The following NEGR1 variants were observed in gnomAD, a reference collection of about 807,000 sequenced individuals.
NEGR1 encodes the protein IgLON family member 4.
NEGR1 carries 10 observed loss-of-function variants against 40.9 expected under a neutral mutation model. The observed-to-expected ratio is 0.24, with a 90% CI of 0.15 to 0.42. NEGR1 has a LOEUF of 0.42. Ranked by LOEUF, NEGR1 falls within the 10% of genes least tolerant of loss-of-function variation. The pLI, the probability that NEGR1 is intolerant of heterozygous loss-of-function variation, is 1.00. For missense variants in NEGR1, 352 were observed against 438.9 expected (o/e 0.80, Z 1.77); for synonymous variants, 185 against 166.8 (o/e 1.11, Z -0.84).
chr1:72,072,119 A>G (rs1425673635), intron 1 of NEGR1, among the ~76,000 whole-genome samples: 1 of 152,118 alleles, frequency 6.6e-6, no homozygotes, highest in East Asian at 1.9e-4. Flanking sequence ...CTATTTTACA[A>G]TCCAGCTCTA....
rs1570048931 is a variant in NEGR1 at position 72,153,486 on chromosome 1, G to A, written c.176+128833C>T. Among the ~76,000 whole-genome samples the A allele has an allele frequency of 2.0e-5, 3 of 151,876 alleles. No individual in the cohort carries two copies. In the East Asian group the frequency reaches 5.8e-4, roughly 29 times the overall value. Reference sequence around the variant, plus strand: ...GAAATATTATTATTATCATATGTTTGAATATATACAAATTTATATTGTGAT... The same window carrying A: ...GAAATATTATTATTATCATATGTTTAAATATATACAAATTTATATTGTGAT... On this transcript the variant is annotated intron_variant, in intron 1 of 6. Transcript: ENST00000357731.
chr1:72,160,079 G>A (rs1464863792), intron 1 of NEGR1, among the ~76,000 whole-genome samples: 1 of 152,080 alleles, frequency 6.6e-6, no homozygotes, highest in Non-Finnish European at 1.5e-5. Flanking sequence ...GTTTCTGCAA[G>A]CAATATCTCA....
At chr1:71,745,576 C>T (rs1259803533) in intron 3 of NEGR1, among the ~76,000 whole-genome samples, 1 of 152,106 alleles carries the variant, frequency 6.6e-6, no homozygotes, top group East Asian at 1.9e-4. Context: ...GATTCAGTGG[C>T]TTATGAGACA....
chr1:72,223,592 C>T (rs1361647889), intron 1 of NEGR1, among the ~76,000 whole-genome samples: 2 of 152,024 alleles, frequency 1.3e-5, no homozygotes, highest in Non-Finnish European at 2.9e-5. Context: ...TATATTGTCT[C>T]TCCTTATAAA....
chr1:71,642,981 A>C (rs553087083), intron 4 of NEGR1, among the ~76,000 whole-genome samples: 1 of 152,070 alleles, frequency 6.6e-6, no homozygotes, highest in East Asian at 1.9e-4. Flanking sequence ...TGAATAAAGA[A>C]AGTTCATAAT....
At chr1:71,783,934 A>G (rs1656814393) in intron 2 of NEGR1, among the ~76,000 whole-genome samples, 1 of 152,136 alleles carries the variant, frequency 6.6e-6, no homozygotes, top group African/African-American at 2.4e-5. Context: ...CCATGTCTAA[A>G]GAGTTAGAAA....
At chr1:71,842,547 T>C (rs1659279414) in intron 2 of NEGR1, among the ~76,000 whole-genome samples, 1 of 152,194 alleles carries the variant, frequency 6.6e-6, no homozygotes, top group African/African-American at 2.4e-5. Flanking sequence ...ACAGTATAGA[T>C]GGAGAAATGT....
Position 72,210,457 on chromosome 1 carries a change from C to T in NEGR1, c.176+71862G>A, listed in dbSNP as rs532773588. The stretch of plus-strand genomic sequence containing the variant: ...ATTGAAACGCAAGCAGAATGAGCCA[C>T]ATTTTTCATGGAAAACCATTATTAC... On this transcript the variant is annotated intron_variant, in intron 1 of 6. Coordinates refer to ENST00000357731, the MANE Select transcript of NEGR1 (RefSeq NM_173808.3). 6.6e-5 allele frequency among the ~76,000 whole-genome samples: 10 copies of T among 151,984 alleles called. No individual in the cohort carries two copies. In the South Asian group the frequency reaches 1.7e-3, roughly 25 times the overall value.
intron 4 of NEGR1, among the ~76,000 whole-genome samples, chr1:71,628,574 C>T (rs1302124987): frequency 6.6e-6 from 1 of 151,894 alleles, no homozygotes; most frequent in African/African-American, 2.4e-5. Context: ...AGCACCCCAC[C>T]CCCTGACAGG....
At chr1:72,010,677 G>T (rs1211520928) in intron 1 of NEGR1, among the ~76,000 whole-genome samples, 2 of 149,330 alleles carry the variant, frequency 1.3e-5, no homozygotes, top group African/African-American at 4.9e-5. Context: ...ATTCCTGAAT[G>T]CAGAATTGTG....
intron 6 of NEGR1, among the ~76,000 whole-genome samples, chr1:71,580,530 T>C (rs1264308246): frequency 1.3e-5 from 2 of 152,100 alleles, no homozygotes; most frequent in Non-Finnish European, 1.5e-5. Context: ...GAGTTTATCA[T>C]AGAGACAAAA....
At chr1:71,963,091 A>AT (rs36031544) in intron 1 of NEGR1, among the ~76,000 whole-genome samples, 17,828 of 151,194 alleles carry the variant, frequency 0.12, 1,092 homozygotes, top group South Asian at 0.18. Context: ...ATCGATATCT[A>AT]TTTTTTTTTA....
chr1:71,831,450 G>A (rs1211019009), intron 2 of NEGR1, among the ~76,000 whole-genome samples: 1 of 151,788 alleles, frequency 6.6e-6, no homozygotes, highest in Non-Finnish European at 1.5e-5. Flanking sequence ...CTTCTATTCT[G>A]GTTTAGAGTT....
chr1:71,556,732 G>A (rs867714589), intron 6 of NEGR1, among the ~76,000 whole-genome samples: 3 of 151,426 alleles, frequency 2.0e-5, no homozygotes, highest in Non-Finnish European at 3.0e-5. Context: ...CAAAGAAAGA[G>A]AGAGGGAGAT....
At chr1:71,962,144 A>G (rs552859270) in intron 1 of NEGR1, among the ~76,000 whole-genome samples, 1 of 152,250 alleles carries the variant, frequency 6.6e-6, no homozygotes, top group South Asian at 2.1e-4. Flanking sequence ...GATGAGACAG[A>G]AGGAAAAGGA....
intron 1 of NEGR1, among the ~76,000 whole-genome samples, chr1:71,953,397 A>AAC (rs1646089796): frequency 6.6e-6 from 1 of 151,998 alleles, no homozygotes; most frequent in Non-Finnish European, 1.5e-5. Context: ...ATAAAGCTTG[A>AAC]AAAATGAGGA....
intron 2 of NEGR1, among the ~76,000 whole-genome samples, chr1:71,811,080 G>T (rs1470395232): frequency 1.3e-5 from 2 of 152,074 alleles, no homozygotes; most frequent in African/African-American, 4.8e-5. Context: ...TCTGCTGTAG[G>T]CTCTGTGAAA....
intron 4 of NEGR1, among the ~76,000 whole-genome samples, chr1:71,615,176 T>C (rs1650407728): frequency 6.6e-6 from 1 of 152,200 alleles, no homozygotes; most frequent in African/African-American, 2.4e-5. Flanking sequence ...CATACTCATA[T>C]TACTGTGCAT....
chr1:72,018,706 T>C (rs1310348110), intron 1 of NEGR1, among the ~76,000 whole-genome samples: 1 of 152,096 alleles, frequency 6.6e-6, no homozygotes, highest in East Asian at 1.9e-4. Flanking sequence ...GTGCATATTC[T>C]AGGGGCAAGC....
Sources: gnomAD v4.1 joint callset for allele counts (sites outside exome capture counted in the v4.1 genomes callset) on GRCh38, gnomAD v4.1.1 for gene constraint, MANE v1.5 for transcripts, NCBI Gene and HGNC (gene_info 2026-07-23, HGNC 2026-07-21) for gene names.